The following WDR86 variants were observed in gnomAD, a reference collection of about 807,000 sequenced individuals.
WDR86 encodes WD repeat-containing protein 86.
In WDR86, 30 loss-of-function variants were observed where a neutral mutation model predicts 36.5. The observed-to-expected ratio is 0.82, with a 90% CI of 0.61 to 1.11. The LOEUF (loss-of-function observed/expected upper bound fraction) is 1.11, where lower values mean the gene tolerates loss of function less well. Among genes scored for constraint, WDR86 ranks in the 50% most tolerant of loss-of-function variants. The pLI, the probability that WDR86 is intolerant of heterozygous loss-of-function variation, is 0.00. For synonymous variants in WDR86, 255 were observed against 252.9 expected (o/e 1.01, Z -0.08); for missense variants, 545 against 561.2 (o/e 0.97, Z 0.29).
Position 151,381,508 on chromosome 7 carries a change from A to G in WDR86, c.*74T>C. On this transcript the variant is annotated 3_prime_UTR_variant, in exon 6 of 6. Coordinates refer to ENST00000334493, the MANE Select transcript of WDR86 (RefSeq NM_198285.3). This position sits in a 1 kb window ranked among gnomAD's most constrained non-coding sequence, Gnocchi z 4.8. Reference sequence around the variant, plus strand: ...CCCTCGCCGGCCATCGGGCGCCACCACCGCGGGTAGCAGGGCGGGGCGCTC... The same window carrying G: ...CCCTCGCCGGCCATCGGGCGCCACCGCCGCGGGTAGCAGGGCGGGGCGCTC... 6.9e-7 allele frequency: 1 copy of G among 1,448,036 alleles called. No homozygotes were observed. Among genetic ancestry groups the G allele is most frequent in the Non-Finnish European group, 9.0e-7 (1 of 1,110,136 alleles). 89.7% of individuals were successfully genotyped at this position (1,448,036 alleles called of 1,614,324 possible).
At chr7:151,377,963 TTTAA>T (rs1055685929), downstream of WDR86, 3 of 152,242 alleles carry the variant, frequency 2.0e-5, no homozygotes, top group African/African-American at 7.2e-5. Flanking sequence ...GCAATTTATT[TTTAA>T]TTAATATTTT....
chr7:151,410,093 G>C (rs1325698613), upstream of WDR86: 1 of 985,226 alleles, frequency 1.0e-6, no homozygotes, highest in Non-Finnish European at 1.2e-6. Flanking sequence ...CCCACTTCTC[G>C]GGCTGCGCCC....
intron 1 of WDR86, chr7:151,408,666 G>A (rs1187528091): frequency 6.2e-6 from 2 of 320,468 alleles, no homozygotes; most frequent in East Asian, 1.5e-4. Flanking sequence ...GCTCATCCAG[G>A]GGACTACGTG....
Position 151,381,941 on chromosome 7 carries a change from G to C in WDR86, c.903C>G (p.Asp301Glu), listed in dbSNP as rs1375531272. Residue 301 changes from aspartate to glutamate, a missense_variant, in exon 5 of 6, where the codon GAC becomes GAG. Transcript: ENST00000334493. This position sits in a 1 kb window ranked among gnomAD's most constrained non-coding sequence, Gnocchi z 4.8. ...GSGDACARAF[D>E]AQSGELRRVF... ...CCCTCCGCAGCTCTCCAGACTGCGC[G>C]TCGAAGGCCCGGGCGCAAGCGTCCC... 5 of 1,609,198 alleles carry C rather than the reference G, an allele frequency of 3.1e-6. No individual in the cohort carries two copies. Among genetic ancestry groups the C allele is most frequent in the South Asian group, 1.1e-5 (1 of 90,364 alleles).
In WDR86 at chr7:151,381,393, C is replaced by T. The variant is rs1798548440; in HGVS notation, c.*189G>A. Reference sequence around the variant, plus strand: ...AAAAGGGGGCGGTCCCCAGGGCGAGCACTCCCGCTCCCAGCGCCTCCTGGC... The same window carrying T: ...AAAAGGGGGCGGTCCCCAGGGCGAGTACTCCCGCTCCCAGCGCCTCCTGGC... On this transcript the variant is annotated 3_prime_UTR_variant, in exon 6 of 6. Transcript: ENST00000334493. The surrounding 1 kb of genome is among the most constrained non-coding windows in gnomAD (Gnocchi z 4.8). 3 of 1,467,076 alleles carry T rather than the reference C, an allele frequency of 2.0e-6. No individual in the cohort carries two copies. The highest frequency in any genetic ancestry group is 1.5e-5 in the African/African-American group (1 of 67,528). The allele number at this position is 1,467,076 out of a possible 1,614,324, so 90.9% of individuals were successfully genotyped here. A position where few individuals can be genotyped will look rare whatever the true frequency, so the allele number is the denominator to read the frequency against.
chr7:151,402,428 C>T (rs1267035735), intron 1 of WDR86, among the ~76,000 whole-genome samples: 1 of 152,122 alleles, frequency 6.6e-6, no homozygotes, highest in Non-Finnish European at 1.5e-5. Flanking sequence ...CACAGCCTTG[C>T]CCTCCAAGGG....
chr7:151,398,229 TG>T (rs1800012854), intron 2 of WDR86, among the ~76,000 whole-genome samples: 2 of 152,130 alleles, frequency 1.3e-5, no homozygotes, highest in African/African-American at 4.8e-5. Flanking sequence ...TGTGTCTATG[TG>T]TGTGCATGTG....
At chr7:151,398,801 G>A (rs1380751575) in intron 2 of WDR86, among the ~76,000 whole-genome samples, 1 of 152,172 alleles carries the variant, frequency 6.6e-6, no homozygotes, top group African/African-American at 2.4e-5. Context: ...TTTTGCTTTT[G>A]AGAAGCATCT....
intron 1 of WDR86, among the ~76,000 whole-genome samples, chr7:151,402,424 C>T (rs939283876): frequency 6.6e-6 from 1 of 152,144 alleles, no homozygotes; most frequent in African/African-American, 2.4e-5. Flanking sequence ...GAAACACAGC[C>T]TTGCCCTCCA....
At chr7:151,377,495 A>G (rs1458359381), downstream of WDR86, 2 of 260,506 alleles carry the variant, frequency 7.7e-6, no homozygotes, top group Non-Finnish European at 1.5e-5. Context: ...TTTTACCCCG[A>G]AACAGGAAGG....
the WDR86 span, among the ~76,000 whole-genome samples, chr7:151,370,652 C>T: frequency 6.6e-6 from 1 of 151,574 alleles, no homozygotes; most frequent in Middle Eastern, 3.2e-3. Context: ...ATTAACTCGT[C>T]ATTTAGCATT....
downstream of WDR86, chr7:151,374,144 C>T (rs1396768880): frequency 6.3e-7 from 1 of 1,574,812 alleles, no homozygotes; most frequent in East Asian, 2.4e-5. Context: ...AAAGACGCCG[C>T]CTCGAGAACA....
intron 3 of WDR86, among the ~76,000 whole-genome samples, chr7:151,385,572 C>T (rs951583364): frequency 6.6e-6 from 1 of 152,194 alleles, no homozygotes; most frequent in African/African-American, 2.4e-5. Flanking sequence ...CTTAACTGCT[C>T]GCTCCTGCTG....
rs71198714 is a variant in WDR86, at chr7:151,402,047, C to CAAAAAA, written c.164-1812_164-1807dup. ...TGGGTGACAGAGCAAAACTCTGCCT[C>CAAAAAA]AAAAAAAAAAAAAAAAAAAAAAAAT... On this transcript the variant is annotated intron_variant, in intron 1 of 5. Transcript: ENST00000334493. 5.4e-4 allele frequency among the ~76,000 whole-genome samples: 8 copies of CAAAAAA among 14,950 alleles called. 1 individual carries two copies. The highest frequency in any genetic ancestry group is 1.0e-3 in the African/African-American group (3 of 2,888). The allele number at this position is 14,950 out of a possible 152,430, so 9.8% of individuals were successfully genotyped here. A position where few individuals can be genotyped will look rare whatever the true frequency, so the allele number is the denominator to read the frequency against.
At chr7:151,402,070 A>AAAAAAAAAAAAATATATATATATATAT in intron 1 of WDR86, among the ~76,000 whole-genome samples, 1 of 50,526 alleles carries the variant, frequency 2.0e-5, no homozygotes, top group African/African-American at 1.2e-4. Context: ...AAAAAAAAAA[A>AAAAAAAAAAAAATATATATATATATAT]ATATATATAT....
chr7:151,407,184 G>A (rs1454086966), intron 1 of WDR86, among the ~76,000 whole-genome samples: 1 of 152,228 alleles, frequency 6.6e-6, no homozygotes, highest in Admixed American at 6.5e-5. Flanking sequence ...GCTTGAGCGG[G>A]GATAGCCCTG....
chr7:151,386,719 A>G (rs989042294), intron 3 of WDR86, among the ~76,000 whole-genome samples: 1 of 152,184 alleles, frequency 6.6e-6, no homozygotes, highest in Non-Finnish European at 1.5e-5. Flanking sequence ...TCAGCTGCTT[A>G]CAGTCTTCAA....
At position 151,395,633 on chromosome 7, in the gene WDR86, C is replaced by A. The variant is rs73474458; in HGVS notation, c.726+143G>T. The A allele has an allele frequency of 4.5e-3, 4,642 of 1,022,000 alleles. 105 individuals are homozygous for A. Among genetic ancestry groups the A allele is most frequent in the South Asian group, 0.043 (2,524 of 59,212 alleles). 63.3% of individuals were successfully genotyped at this position (1,022,000 alleles called of 1,614,324 possible). ...TATCTTGGATTCCCAGCCCCAGGAC[C>A]GCAAGGCCTCCGTGGCGCTTGCCAG... On this transcript the variant is annotated intron_variant, in intron 3 of 5. Coordinates refer to ENST00000334493, the MANE Select transcript of WDR86 (RefSeq NM_198285.3).
At position 151,381,644 on chromosome 7, in the gene WDR86, T is replaced by A. The variant is rs1213639166; in HGVS notation, c.1069A>T (p.Ser357Cys). The A allele has an allele frequency of 3.6e-6, 5 of 1,392,662 alleles. No individual in the cohort carries two copies. Among genetic ancestry groups the A allele is most frequent in the Non-Finnish European group, 3.7e-6 (4 of 1,085,566 alleles). The allele number at this position is 1,392,662 out of a possible 1,614,324, so 86.3% of individuals were successfully genotyped here. The change falls in exon 6 of 6, where the codon AGC (serine) becomes TGC (cysteine). Residue 357 changes from serine (S) to cysteine (C), a missense_variant. Ser to Cys is a moderately radical substitution (Grantham distance 112). Transcript: ENST00000334493. This position sits in a 1 kb window ranked among gnomAD's most constrained non-coding sequence, Gnocchi z 4.8. ...GAPRPPPPMR[S>C]LSRLFSNKVG... ...TTGTTGCTGAAGAGCCGCGAGAGGC[T>A]GCGCATGGGCGGAGGGGGCCGCGGG...
Sources: gnomAD v4.1 joint callset for allele counts (sites outside exome capture counted in the v4.1 genomes callset) on GRCh38, gnomAD v4.1.1 for gene constraint, Gnocchi (gnomAD v3.1) non-coding constraint, MANE v1.5 for transcripts, NCBI Gene and HGNC (gene_info 2026-07-23, HGNC 2026-07-21) for gene names.